SLF2: variants seen among roughly 807,000 people sequenced by gnomAD.
SLF2 encodes the protein SMC5/6 complex localization factor 2, also known as SMC5-SMC6 complex localization factor protein 2.
In SLF2, 68 loss-of-function variants were observed where a neutral mutation model predicts 124.3. That is an observed-to-expected ratio of 0.55 (90% CI 0.45 to 0.67). The LOEUF (loss-of-function observed/expected upper bound fraction) is 0.67, where lower values mean the gene tolerates loss of function less well. Ranked by LOEUF, SLF2 falls within the 30% of genes least tolerant of loss-of-function variation. SLF2 has a pLI of 0.00. For missense variants in SLF2, 1,246 were observed against 1,373.7 expected (o/e 0.91, Z 1.47); for synonymous variants, 480 against 478.8 (o/e 1.00, Z -0.03).
intron 4 of SLF2, among the ~76,000 whole-genome samples, chr10:100,921,217 T>C: frequency 6.6e-6 from 1 of 152,188 alleles, no homozygotes; most frequent in Non-Finnish European, 1.5e-5. Flanking sequence ...TAATGGCCTT[T>C]GGATTTTTCC....
rs113399907 is a variant in SLF2, at chr10:100,925,088, G to A, written c.1971+116G>A. 1.4e-3 allele frequency: 1,457 copies of A among 1,077,556 alleles called. 19 individuals are homozygous for A. In the African/African-American group the frequency reaches 0.02, roughly 15 times the overall value. 66.7% of individuals were successfully genotyped at this position (1,077,556 alleles called of 1,614,324 possible). ...TTAGTATTTATTATAACTCATATTT[G>A]TACTGAAAATGGAATAATTCTTGTT... On this transcript the variant is annotated intron_variant, in intron 5 of 19. Coordinates refer to ENST00000238961, the MANE Select transcript of SLF2 (RefSeq NM_018121.4).
At position 100,912,993 on chromosome 10, in the gene SLF2, G is replaced by T; in HGVS notation, c.-118G>T. 3 of 1,124,534 alleles carry T rather than the reference G, an allele frequency of 2.7e-6. No individual in the cohort carries two copies. Among genetic ancestry groups the T allele is most frequent in the Non-Finnish European group, 3.8e-6 (3 of 791,534 alleles). 69.7% of individuals were successfully genotyped at this position (1,124,534 alleles called of 1,614,324 possible). ...CGAAGAGAGAACCGCCATGAAGAGAGAAGGGGGTGCCGCCCACCTCTGCTC... is the reference window on the plus strand; with the variant it reads ...CGAAGAGAGAACCGCCATGAAGAGATAAGGGGGTGCCGCCCACCTCTGCTC... On this transcript the variant is annotated 5_prime_UTR_variant, in exon 1 of 20. It introduces an in-frame stop codon into an upstream open reading frame of the 5' UTR. Transcript: ENST00000238961.
chr10:100,944,039 A>G lies in SLF2; in HGVS notation c.2668A>G (p.Thr890Ala). 6.2e-7 allele frequency: 1 copy of G among 1,610,324 alleles called. No individual in the cohort carries two copies. The highest frequency in any genetic ancestry group is 8.5e-7 in the Non-Finnish European group (1 of 1,178,630). Residue 890 changes from threonine (T) to alanine (A), a missense_variant, in exon 12 of 20, where the codon ACA becomes GCA. Thr to Ala is a moderately conservative substitution (Grantham distance 58). Coordinates refer to ENST00000238961, the MANE Select transcript of SLF2 (RefSeq NM_018121.4). ...ACTTCTCAATAGTTCTGAAACACAGACAACATCAAGGGGGAAAGAAAGTGA... is the reference window on the plus strand; with the variant it reads ...ACTTCTCAATAGTTCTGAAACACAGGCAACATCAAGGGGGAAAGAAAGTGA... ...NEDYLVSETQTTSRGKESEDS... is the reference protein window; with the variant it reads ...NEDYLVSETQATSRGKESEDS...
Position 100,944,020 on chromosome 10 carries a change from C to A in SLF2, c.2655-6C>A. On this transcript the variant is annotated splice_region_variant and splice_polypyrimidine_tract_variant and intron_variant, in intron 11 of 19. Coordinates refer to ENST00000238961, the MANE Select transcript of SLF2 (RefSeq NM_018121.4). The stretch of plus-strand genomic sequence containing the variant: ...ACTTCACATTGCTTTACTCACTTCT[C>A]AATAGTTCTGAAACACAGACAACAT... The A allele has an allele frequency of 6.3e-7, 1 of 1,595,770 alleles. No individual in the cohort carries two copies. The highest frequency in any genetic ancestry group is 2.3e-5 in the East Asian group (1 of 44,354).
intron 19 of SLF2, 62 bp from the exon 20 acceptor site, chr10:100,961,815 G>A: frequency 7.1e-7 from 1 of 1,413,576 alleles, no homozygotes; most frequent in Non-Finnish European, 9.8e-7. Flanking sequence ...AGTTTTATAA[G>A]GATTAATTCA....
At position 100,956,555 on chromosome 10, in the gene SLF2, T is replaced by C; in HGVS notation, c.3417+18T>C. 1 of 1,531,082 alleles carries C rather than the reference T, an allele frequency of 6.5e-7. No homozygotes were observed. The highest frequency in any genetic ancestry group is 2.0e-5 in the Admixed American group (1 of 49,296). 94.8% of individuals were successfully genotyped at this position (1,531,082 alleles called of 1,614,324 possible). On this transcript the variant is annotated intron_variant, in intron 18 of 19. Coordinates refer to ENST00000238961, the MANE Select transcript of SLF2 (RefSeq NM_018121.4). Reference sequence around the variant, plus strand: ...GAACTAAGGTAAGTGTGTTCTTTCTTTTTTTCTTTTTTTTTTTCTTAATCT... The same window carrying C: ...GAACTAAGGTAAGTGTGTTCTTTCTCTTTTTCTTTTTTTTTTTCTTAATCT...
chr10:100,923,954 C>T, intron 4 of SLF2, 21 bp from the exon 5 acceptor site: 1 of 1,480,780 alleles, frequency 6.8e-7, no homozygotes, highest in African/African-American at 1.4e-5. Context: ...TTTCACTAAT[C>T]TAACAAAAAT....
rs1411407192 is a variant in SLF2, at chr10:100,960,995, C to CTACTTTTTTT, written c.3487-881_3487-880insACTTTTTTTT. On this transcript the variant is annotated intron_variant, in intron 19 of 19. Coordinates refer to ENST00000238961, the MANE Select transcript of SLF2 (RefSeq NM_018121.4). ...GGAGTGAGAACTGAGATATTCTGTA[C>CTACTTTTTTT]TTCTTTTTTTTTTTTTTTTTTTTTT... is the stretch of plus-strand genomic sequence containing the variant. 3.7e-5 allele frequency among the ~76,000 whole-genome samples: 2 copies of CTACTTTTTTT among 54,450 alleles called. 1 individual carries two copies. The allele number at this position is 54,450 out of a possible 152,430, so 35.7% of individuals were successfully genotyped here. A position where few individuals can be genotyped will look rare whatever the true frequency, so the allele number is the denominator to read the frequency against.
chr10:100,956,470 G>T lies in SLF2; in HGVS notation c.3350G>T (p.Cys1117Phe), dbSNP rs755522913. The T allele has an allele frequency of 9.9e-6, 16 of 1,613,134 alleles. No homozygotes were observed. The change falls in exon 18 of 20, where the codon TGT becomes TTT. Residue 1117 changes from cysteine to phenylalanine, a missense_variant. Cys to Phe is a radical substitution (Grantham distance 205, BLOSUM62 -2). Around this residue, in one of 3 missense-constraint regions of SLF2, gnomAD observed 535 missense variants for 632.8 expected, o/e 0.85. Transcript: ENST00000238961. ...GCACAGAAACACTTTGTGCTACTCT[G>T]TGGGGCTTTGGAAAAGCATGTTAAA... ...SGQRKHFVLL[C>F]GALEKHVKCD... is the part of the protein sequence containing the mutation.
At chr10:100,953,310 A>G (rs1026318978) in intron 17 of SLF2, among the ~76,000 whole-genome samples, 11 of 146,492 alleles carry the variant, frequency 7.5e-5, no homozygotes, top group African/African-American at 2.5e-4. Flanking sequence ...CTGATCCACC[A>G]TGCCGGCTAT....
At position 100,938,752 on chromosome 10, in the gene SLF2, A is replaced by C; in HGVS notation, c.2654+16A>C. The stretch of plus-strand genomic sequence containing the variant: ...ACTATCTAGTGTAAGTTTTCTCATC[A>C]TAATTAACGCCAAAAATATCATTTC... On this transcript the variant is annotated intron_variant, in intron 11 of 19. Transcript: ENST00000238961. 6.3e-7 allele frequency: 1 copy of C among 1,581,376 alleles called. No homozygotes were observed. Among genetic ancestry groups the C allele is most frequent in the Non-Finnish European group, 8.6e-7 (1 of 1,167,704 alleles).
chr10:100,938,944 G>A (rs1001811164), intron 11 of SLF2, among the ~76,000 whole-genome samples: 2 of 151,978 alleles, frequency 1.3e-5, no homozygotes, highest in Non-Finnish European at 2.9e-5. Flanking sequence ...TCTCATAAAA[G>A]TTTTGTTTTC....
In SLF2 at chr10:100,955,878, C is replaced by T. The variant is rs183378328; in HGVS notation, c.3331-573C>T. Among the ~76,000 whole-genome samples, 7 of 147,218 alleles carry T rather than the reference C, an allele frequency of 4.8e-5. No homozygotes were observed. In the East Asian group the frequency reaches 1.4e-3, roughly 29 times the overall value. ...CTGAGATCGCACCACTGCACTTCAA[C>T]CTGGGTGACAGAGCAAGACTCTGTC... On this transcript the variant is annotated intron_variant, in intron 17 of 19. Transcript: ENST00000238961.
rs113732991 is a variant in SLF2 at position 100,945,209 on chromosome 10, G to A, written c.2758-121G>A. 5.3e-4 allele frequency: 388 copies of A among 736,614 alleles called. 3 individuals carry two copies. The highest frequency in any genetic ancestry group is 1.0e-3 in the Admixed American group (26 of 26,020). 45.6% of individuals were successfully genotyped at this position (736,614 alleles called of 1,614,324 possible). ...TCTTGCCTTCTTTTCTCTAGACATC[G>A]GATGTTTGTTTTCTTTATAGTTCTT... is the stretch of plus-strand genomic sequence containing the variant. On this transcript the variant is annotated intron_variant, in intron 12 of 19. Transcript: ENST00000238961.
intron 10 of SLF2, among the ~76,000 whole-genome samples, 187 bp downstream of exon 10, chr10:100,937,664 A>G (rs1036689302): frequency 2.6e-5 from 4 of 151,674 alleles, no homozygotes; most frequent in African/African-American, 9.7e-5. Flanking sequence ...GCTGAAGTGC[A>G]GTGACACAAT....
At position 100,924,162 on chromosome 10, in the gene SLF2, G is replaced by A. The variant is rs1241003519; in HGVS notation, c.1161G>A (p.Leu387=). The change falls in exon 5 of 20, where the codon TTG becomes TTA. Residue 387 remains leucine, a synonymous_variant. Transcript: ENST00000238961. ...HIALKTPGDV[L]RLEDISKEPS... ...CACTGAAGACACCTGGTGATGTGTTGCGCTTAGAAGATATATCCAAGGAAC... is the reference window on the plus strand; with the variant it reads ...CACTGAAGACACCTGGTGATGTGTTACGCTTAGAAGATATATCCAAGGAAC... The A allele has an allele frequency of 6.2e-7, 1 of 1,613,868 alleles. No homozygotes were observed. The highest frequency in any genetic ancestry group is 1.3e-5 in the African/African-American group (1 of 74,892).
At position 100,963,363 on chromosome 10, in the gene SLF2, C is replaced by CT. The variant is rs1286431167; in HGVS notation, c.*1452dup. On this transcript the variant is annotated 3_prime_UTR_variant, in exon 20 of 20. Coordinates refer to ENST00000238961, the MANE Select transcript of SLF2 (RefSeq NM_018121.4). ...GCAGTCAGAGATTTTATAGGGAAGA[C>CT]TAAGTAAATCCAGTTTCCAAGAACC... The CT allele has an allele frequency of 6.6e-6, 1 of 152,588 alleles. No homozygotes were observed. The highest frequency in any genetic ancestry group is 1.5e-5 in the Non-Finnish European group (1 of 68,030). The allele number at this position is 152,588 out of a possible 1,614,324, so 9.5% of individuals were successfully genotyped here.
rs571692679 is a variant in SLF2, at chr10:100,925,045, C to T, written c.1971+73C>T. ...TTAATTAGTGAAAGGGGTGGATTAT[C>T]GGAACTTACTTTAAAATTTAGTATT... is the stretch of plus-strand genomic sequence containing the variant. On this transcript the variant is annotated intron_variant, in intron 5 of 19. Transcript: ENST00000238961. The T allele has an allele frequency of 2.3e-4, 321 of 1,408,884 alleles. 7 individuals are homozygous for T. The South Asian group carries it at 3.9e-3, about 17-fold the overall frequency. 87.3% of individuals were successfully genotyped at this position (1,408,884 alleles called of 1,614,324 possible). A position where few individuals can be genotyped will look rare whatever the true frequency, so the allele number is the denominator to read the frequency against.
chr10:100,930,311 G>A (rs951949571), intron 8 of SLF2, among the ~76,000 whole-genome samples: 1 of 152,208 alleles, frequency 6.6e-6, no homozygotes, highest in African/African-American at 2.4e-5. Flanking sequence ...CAGGGCTGGA[G>A]TGCCAGTTTT....
Sources: gnomAD v4.1 joint callset for allele counts (sites outside exome capture counted in the v4.1 genomes callset) on GRCh38, gnomAD v4.1.1 for gene constraint, gnomAD v4.1.1 regional missense constraint, MANE v1.5 for transcripts, NCBI Gene and HGNC (gene_info 2026-07-23, HGNC 2026-07-21) for gene names.